PAQR5: variants seen among roughly 807,000 people sequenced by gnomAD.
PAQR5 encodes the protein membrane progestin receptor gamma.
A neutral mutation model predicts 34.5 loss-of-function variants in PAQR5; 20 were observed. The ratio of observed to expected loss-of-function variants is 0.58; its 90% CI spans 0.41 to 0.84. The LOEUF (loss-of-function observed/expected upper bound fraction) is 0.84, where lower values mean the gene tolerates loss of function less well. Ranked by LOEUF, PAQR5 falls within the 40% of genes least tolerant of loss-of-function variation. The pLI is 0.00. For missense variants in PAQR5, 378 were observed against 412.7 expected (o/e 0.92, Z 0.73); for synonymous variants, 131 against 155.6 (o/e 0.84, Z 1.18).
In PAQR5 at chr15:69,369,517, CAG is replaced by C. The variant is rs1245663399; in HGVS notation, c.51+9389_51+9390del. ...CACCAATGCACTCCAGCCTGGGTGA[CAG>C]AGCAAGATCCTGCCTCAAGTTAAAA... On this transcript the variant is annotated intron_variant, in intron 3 of 8. Transcript: ENST00000395407. Among the ~76,000 whole-genome samples the C allele has an allele frequency of 6.6e-5, 10 of 150,494 alleles. No individual in the cohort carries two copies. The East Asian group carries it at 1.9e-3, about 29-fold the overall frequency.
chr15:69,333,526 C>T (rs1222302243), intron 1 of PAQR5, among the ~76,000 whole-genome samples: 1 of 152,178 alleles, frequency 6.6e-6, no homozygotes, highest in African/African-American at 2.4e-5. Flanking sequence ...CGTCCCCACC[C>T]CGCACTGGGA....
At chr15:69,344,509 A>G (rs1186218108) in intron 2 of PAQR5, among the ~76,000 whole-genome samples, 1 of 152,226 alleles carries the variant, frequency 6.6e-6, no homozygotes, top group Non-Finnish European at 1.5e-5. Flanking sequence ...TTCAAATGCT[A>G]ACTAACCACC....
intron 1 of PAQR5, among the ~76,000 whole-genome samples, chr15:69,333,374 T>C (rs757807809): frequency 6.6e-6 from 1 of 152,222 alleles, no homozygotes; most frequent in Non-Finnish European, 1.5e-5. Flanking sequence ...CAGAAATTAC[T>C]TATTATGAGA....
intron 8 of PAQR5, among the ~76,000 whole-genome samples, chr15:69,402,535 C>T (rs2056666151): frequency 6.6e-6 from 1 of 151,962 alleles, no homozygotes; most frequent in Non-Finnish European, 1.5e-5. Context: ...CCAAAATGGT[C>T]TCTATCTCCT....
intron 1 of PAQR5, among the ~76,000 whole-genome samples, chr15:69,332,355 C>G (rs2054400985): frequency 6.6e-6 from 1 of 152,312 alleles, no homozygotes; most frequent in South Asian, 2.1e-4. Flanking sequence ...GATGAAATTT[C>G]TCTGTCTTGC....
Position 69,398,045 on chromosome 15 carries a change from G to A in PAQR5, c.609+481G>A, listed in dbSNP as rs1181349468. 3.3e-5 allele frequency among the ~76,000 whole-genome samples: 5 copies of A among 152,174 alleles called. No individual in the cohort carries two copies. The East Asian group carries it at 7.7e-4, about 23-fold the overall frequency. On this transcript the variant is annotated intron_variant, in intron 7 of 8. Transcript: ENST00000395407. ...TCCAATACTTGCTGTCAGTCCCTGG[G>A]CCAGTTCTCTATGCCTCGATTTCCT... is the stretch of plus-strand genomic sequence containing the variant.
intron 1 of PAQR5, among the ~76,000 whole-genome samples, chr15:69,326,736 CT>C (rs1389233033): frequency 1.3e-5 from 2 of 152,106 alleles, no homozygotes; most frequent in African/African-American, 4.8e-5. Context: ...CGCACCTGGC[CT>C]TTTGTTTTCT....
At chr15:69,395,940 G>C (rs1344903841) in intron 6 of PAQR5, among the ~76,000 whole-genome samples, 1 of 152,014 alleles carries the variant, frequency 6.6e-6, no homozygotes, top group African/African-American at 2.4e-5. Flanking sequence ...GCTTCTCCGG[G>C]CACACAGTGG....
chr15:69,370,330 C>A (rs190435474), intron 3 of PAQR5, among the ~76,000 whole-genome samples: 3 of 152,244 alleles, frequency 2.0e-5, no homozygotes, highest in African/African-American at 7.2e-5. Context: ...CCTTGTCTTG[C>A]CATGCTCTCA....
rs1478982738 is a variant in PAQR5 at position 69,405,761 on chromosome 15, G to A, written c.*1939G>A. 2 of 152,130 alleles carry A rather than the reference G, an allele frequency of 1.3e-5. No individual in the cohort carries two copies. The highest frequency in any genetic ancestry group is 4.8e-5 in the African/African-American group (2 of 41,436). 9.4% of individuals were successfully genotyped at this position (152,130 alleles called of 1,614,324 possible). A position where few individuals can be genotyped will look rare whatever the true frequency, so the allele number is the denominator to read the frequency against. ...GAGTGACCAATTTGAAGGATTTTTA[G>A]ATTATTTAATCTTTGCTTATGTTGC... On this transcript the variant is annotated 3_prime_UTR_variant, in exon 9 of 9. Coordinates refer to ENST00000395407, the MANE Select transcript of PAQR5 (RefSeq NM_017705.4).
chr15:69,386,584 A>C (rs1167465356), intron 5 of PAQR5, among the ~76,000 whole-genome samples: 2 of 131,334 alleles, frequency 1.5e-5, no homozygotes, highest in Non-Finnish European at 3.3e-5. Flanking sequence ...TCCCTCCCGG[A>C]TTCCCTCCCA....
At chr15:69,368,740 A>ATT (rs78156682) in intron 3 of PAQR5, among the ~76,000 whole-genome samples, 1 of 151,948 alleles carries the variant, frequency 6.6e-6, no homozygotes, top group Non-Finnish European at 1.5e-5. Flanking sequence ...TTTAAATTTC[A>ATT]ATTATTTTTT....
chr15:69,372,377 C>T (rs1214328010), intron 3 of PAQR5, among the ~76,000 whole-genome samples: 1 of 152,150 alleles, frequency 6.6e-6, no homozygotes, highest in Non-Finnish European at 1.5e-5. Context: ...AACCCCATCT[C>T]TACTAAAAAT....
rs2056697230 is a variant in PAQR5 at position 69,403,460 on chromosome 15, A to G, written c.752-121A>G. On this transcript the variant is annotated intron_variant, in intron 8 of 8. Transcript: ENST00000395407. ...TTGCATATTCTGGAGATTTTATATA[A>G]TATGTGGTCTCCTGTCTGGTTTCTT... is the stretch of plus-strand genomic sequence containing the variant. 4.7e-6 allele frequency: 4 copies of G among 854,944 alleles called. No individual in the cohort carries two copies. In the Admixed American group the frequency reaches 8.5e-5, roughly 18 times the overall value. 53.0% of individuals were successfully genotyped at this position (854,944 alleles called of 1,614,324 possible).
chr15:69,366,471 G>A (rs1309460761), intron 3 of PAQR5, among the ~76,000 whole-genome samples: 1 of 152,168 alleles, frequency 6.6e-6, no homozygotes, highest in Non-Finnish European at 1.5e-5. Flanking sequence ...TACAACCCAG[G>A]AGTGGAGTTG....
At chr15:69,345,127 GA>G (rs1182259094) in intron 2 of PAQR5, among the ~76,000 whole-genome samples, 1 of 149,112 alleles carries the variant, frequency 6.7e-6, no homozygotes, top group East Asian at 1.9e-4. Flanking sequence ...AAAAGAGAAA[GA>G]AGAAAGGAAA....
intron 1 of PAQR5, among the ~76,000 whole-genome samples, chr15:69,310,900 G>T (rs1261841757): frequency 6.6e-6 from 1 of 151,628 alleles, no homozygotes; most frequent in Non-Finnish European, 1.5e-5. Flanking sequence ...TTAGCCGGGT[G>T]TGGTGGCGGG....
intron 1 of PAQR5, among the ~76,000 whole-genome samples, chr15:69,329,405 T>C (rs1264894625): frequency 6.7e-6 from 1 of 149,744 alleles, no homozygotes; most frequent in East Asian, 2.0e-4. Context: ...GTATTGACAA[T>C]CACTGAACTA....
At chr15:69,336,354 A>AT (rs2054515528) in intron 1 of PAQR5, among the ~76,000 whole-genome samples, 1 of 152,202 alleles carries the variant, frequency 6.6e-6, no homozygotes, top group Non-Finnish European at 1.5e-5. Context: ...CATAAAAATC[A>AT]TACAGGAAGC....
Sources: gnomAD v4.1 joint callset for allele counts (sites outside exome capture counted in the v4.1 genomes callset) on GRCh38, gnomAD v4.1.1 for gene constraint, MANE v1.5 for transcripts, NCBI Gene and HGNC (gene_info 2026-07-23, HGNC 2026-07-21) for gene names.